Variants in ARMC10 observed in about 807,000 individuals in gnomAD.
ARMC10 encodes armadillo repeat-containing protein 10.
A neutral mutation model predicts 30.2 loss-of-function variants in ARMC10; 23 were observed. That is an observed-to-expected ratio of 0.76 (90% CI 0.55 to 1.08). ARMC10 has a LOEUF of 1.08. Ranked by LOEUF, ARMC10 falls within the 50% of genes least tolerant of loss-of-function variation. The pLI, the probability that ARMC10 is intolerant of heterozygous loss-of-function variation, is 0.00. For synonymous variants in ARMC10, 111 were observed against 164.4 expected (o/e 0.68, Z 2.48); for missense variants, 303 against 413.7 (o/e 0.73, Z 2.32).
intron 2 of ARMC10, 81 bp downstream of exon 2, chr7:103,075,962 C>A: frequency 9.2e-7 from 1 of 1,085,322 alleles, no homozygotes; most frequent in Non-Finnish European, 1.3e-6. Flanking sequence ...GGTTTCTGTC[C>A]AAAAGTTGAT....
In ARMC10 at chr7:103,098,702, T is replaced by A. The variant is rs1433801892; in HGVS notation, c.*149T>A. ...GCTATAACTTGCCGTGGTTCTCAGA[T>A]TTATTTTGGACTATTTTGATGCCAA... On this transcript the variant is annotated 3_prime_UTR_variant, in exon 7 of 7. Coordinates refer to ENST00000323716, the MANE Select transcript of ARMC10 (RefSeq NM_031905.5). 7.4e-7 allele frequency: 1 copy of A among 1,347,528 alleles called. No homozygotes were observed. The highest frequency in any genetic ancestry group is 2.6e-5 in the Admixed American group (1 of 38,050). 83.5% of individuals were successfully genotyped at this position (1,347,528 alleles called of 1,614,324 possible). A position where few individuals can be genotyped will look rare whatever the true frequency, so the allele number is the denominator to read the frequency against.
intron 4 of ARMC10, chr7:103,089,334 C>A (rs539058685): frequency 1.7e-5 from 3 of 176,280 alleles, no homozygotes; most frequent in African/African-American, 4.7e-5. Flanking sequence ...GAGATTGTGC[C>A]GGTAGTGAAA....
chr7:103,092,763 G>C (rs1801458952), intron 5 of ARMC10, 110 bp downstream of exon 5: 1 of 710,242 alleles, frequency 1.4e-6, no homozygotes, highest in Non-Finnish European at 2.1e-6. Context: ...ACTCACATGG[G>C]CCCAAGAAAG....
At position 103,086,732 on chromosome 7, in the gene ARMC10, A is replaced by C. The variant is rs1800894640; in HGVS notation, c.496A>C (p.Ser166Arg). Residue 166 changes from serine (S) to arginine (R), a missense_variant, in exon 4 of 7, where the codon AGT becomes CGT. Ser to Arg is a moderately radical substitution (Grantham distance 110, BLOSUM62 -1). Transcript: ENST00000323716. ...AGCTTTAAATGCACTAAATAACCTG[A>C]GTGTGAATGTTGAAAATCAAATCAA... ...EKALNALNNLSVNVENQIKIK... is the reference protein window; with the variant it reads ...EKALNALNNLRVNVENQIKIK... The C allele has an allele frequency of 6.3e-7, 1 of 1,592,892 alleles. No individual in the cohort carries two copies. The highest frequency in any genetic ancestry group is 1.4e-5 in the African/African-American group (1 of 73,268).
At chr7:103,080,544 C>G (rs61030867) in intron 2 of ARMC10, among the ~76,000 whole-genome samples, 1 of 151,914 alleles carries the variant, frequency 6.6e-6, no homozygotes, top group African/African-American at 2.4e-5. Context: ...TGTGAGCCAC[C>G]GTGCTGGGCC....
chr7:103,084,742 C>T (rs1047215547), intron 3 of ARMC10, among the ~76,000 whole-genome samples: 1 of 152,186 alleles, frequency 6.6e-6, no homozygotes, highest in Non-Finnish European at 1.5e-5. Context: ...CTTTATCTTT[C>T]TGGCCACAAA....
At chr7:103,086,599 TC>T in intron 3 of ARMC10, 30 bp from the exon 4 acceptor site, 1 of 1,573,694 alleles carries the variant, frequency 6.4e-7, no homozygotes, top group Non-Finnish European at 8.6e-7. Context: ...GAAGTCCCAG[TC>T]CTGCTTTTTT....
chr7:103,097,376 A>T, intron 6 of ARMC10, 28 bp downstream of exon 6: 2 of 1,447,276 alleles, frequency 1.4e-6, no homozygotes, highest in Non-Finnish European at 9.7e-7. Context: ...TTATTTTGTA[A>T]ATATACACAT....
intron 3 of ARMC10, among the ~76,000 whole-genome samples, chr7:103,085,044 A>C (rs994702985): frequency 6.6e-6 from 1 of 152,206 alleles, no homozygotes; most frequent in Non-Finnish European, 1.5e-5. Flanking sequence ...GCCCCCGTGG[A>C]AAGAGAGCCA....
Position 103,083,651 on chromosome 7 carries a change from C to T in ARMC10, c.245-31C>T, listed in dbSNP as rs114942815. The T allele has an allele frequency of 8.7e-4, 1,385 of 1,585,426 alleles. 14 individuals carry two copies. The African/African-American group carries it at 0.017, about 20-fold the overall frequency. On this transcript the variant is annotated intron_variant, in intron 2 of 6. Transcript: ENST00000323716. ...AAAAATAACCTCGTATTGATTTTAG[C>T]TTAACTTCAAATAACTTTCTTCTTA... is the stretch of plus-strand genomic sequence containing the variant.
chr7:103,078,729 ATCTTT>A (rs1800118079), intron 2 of ARMC10, among the ~76,000 whole-genome samples: 1 of 151,670 alleles, frequency 6.6e-6, no homozygotes, highest in South Asian at 2.1e-4. Flanking sequence ...TGCAGTGGCG[ATCTTT>A]TCTTTGTTTT....
chr7:103,077,143 AG>A (rs1799957352), intron 2 of ARMC10, among the ~76,000 whole-genome samples: 1 of 152,194 alleles, frequency 6.6e-6, no homozygotes, highest in Non-Finnish European at 1.5e-5. Flanking sequence ...CTCCTGCCTC[AG>A]CATCCCGAAG....
At chr7:103,081,269 T>G (rs1162125377) in intron 2 of ARMC10, among the ~76,000 whole-genome samples, 1 of 152,234 alleles carries the variant, frequency 6.6e-6, no homozygotes, top group Non-Finnish European at 1.5e-5. Flanking sequence ...AAGTGAGAAT[T>G]CTGTGATACA....
At chr7:103,092,330 C>CAAAAA (rs772073727) in intron 4 of ARMC10, 147 bp from the exon 5 acceptor site, 35 of 233,884 alleles carry the variant, frequency 1.5e-4, no homozygotes, top group Middle Eastern at 1.2e-3. Flanking sequence ...GACTCCGTCT[C>CAAAAA]AAAAAAAAAA....
At chr7:103,090,025 A>G (rs903339438) in intron 4 of ARMC10, among the ~76,000 whole-genome samples, 3 of 152,202 alleles carry the variant, frequency 2.0e-5, no homozygotes, top group Admixed American at 2.0e-4. Flanking sequence ...GATTTCATCC[A>G]AAAGTTTCTG....
chr7:103,090,995 T>A (rs1460081496), intron 4 of ARMC10, among the ~76,000 whole-genome samples: 1 of 152,226 alleles, frequency 6.6e-6, no homozygotes, highest in Non-Finnish European at 1.5e-5. Flanking sequence ...TTTTTTAAAT[T>A]AATAATTGTT....
chr7:103,084,399 AAC>A (rs1323495932), intron 3 of ARMC10, among the ~76,000 whole-genome samples: 1 of 152,250 alleles, frequency 6.6e-6, no homozygotes, highest in South Asian at 2.1e-4. Flanking sequence ...GCCCTTTGTT[AAC>A]ATTGTCATAA....
Position 103,098,682 on chromosome 7 carries a change from A to C in ARMC10, c.*129A>C. ...CACATTTTGTCATTAACACAGCTAT[A>C]ACTTGCCGTGGTTCTCAGATTTATT... is the stretch of plus-strand genomic sequence containing the variant. On this transcript the variant is annotated 3_prime_UTR_variant, in exon 7 of 7. Coordinates refer to ENST00000323716, the MANE Select transcript of ARMC10 (RefSeq NM_031905.5). The C allele has an allele frequency of 7.0e-7, 1 of 1,430,654 alleles. No individual in the cohort carries two copies. The highest frequency in any genetic ancestry group is 9.3e-7 in the Non-Finnish European group (1 of 1,079,384). The allele number at this position is 1,430,654 out of a possible 1,614,324, so 88.6% of individuals were successfully genotyped here.
At chr7:103,085,606 C>CTTCTTTTTT (rs1563322299) in intron 3 of ARMC10, among the ~76,000 whole-genome samples, 10 of 130,566 alleles carry the variant, frequency 7.7e-5, no homozygotes, top group Non-Finnish European at 8.3e-5. Flanking sequence ...CATTTCTCTT[C>CTTCTTTTTT]TTTTTTTTTT....
Sources: allele counts gnomAD v4.1 joint callset (sites outside exome capture counted in the v4.1 genomes callset), GRCh38; gene constraint gnomAD v4.1.1; transcripts MANE v1.5; gene names NCBI Gene and HGNC (gene_info 2026-07-23, HGNC 2026-07-21).